Variants in NCAM1 observed in about 807,000 individuals in gnomAD.
The protein encoded by NCAM1 is neural cell adhesion molecule 1, also known as antigen recognized by monoclonal antibody 5.1H11.
In NCAM1, 14 loss-of-function variants were observed where a neutral mutation model predicts 109.8. The observed-to-expected ratio is 0.13, with a 90% CI of 0.08 to 0.20. The LOEUF is 0.20. Ranked by LOEUF, NCAM1 falls within the 10% of genes least tolerant of loss-of-function variation. NCAM1 has a pLI of 1.00. For synonymous variants in NCAM1, 418 were observed against 442.9 expected (o/e 0.94, Z 0.70); for missense variants, 774 against 1,109.9 (o/e 0.70, Z 4.30).
intron 9 of NCAM1, among the ~76,000 whole-genome samples, chr11:113,230,801 T>C (rs533517184): frequency 1.6e-4 from 25 of 152,358 alleles, no homozygotes; most frequent in African/African-American, 5.8e-4. Context: ...AGACTCTTCC[T>C]GGGCCAGCAA....
At chr11:113,165,486 TAA>T (rs1264906452) in intron 1 of NCAM1, among the ~76,000 whole-genome samples, 3 of 152,148 alleles carry the variant, frequency 2.0e-5, no homozygotes, top group African/African-American at 7.2e-5. Context: ...CTTCTCAGAC[TAA>T]GTCAGGGCCT....
intron 1 of NCAM1, among the ~76,000 whole-genome samples, chr11:113,099,630 A>G (rs1339101637): frequency 6.6e-6 from 1 of 152,226 alleles, no homozygotes; most frequent in Non-Finnish European, 1.5e-5. Flanking sequence ...GAGGAAGAGC[A>G]CTGGTTCCCC....
intron 1 of NCAM1, among the ~76,000 whole-genome samples, chr11:113,142,724 T>C (rs1373142487): frequency 1.3e-5 from 2 of 152,208 alleles, no homozygotes; most frequent in African/African-American, 4.8e-5. Context: ...TGCCATCTGC[T>C]GCTGTCTTGC....
At chr11:113,122,027 C>T (rs1287180775) in intron 1 of NCAM1, among the ~76,000 whole-genome samples, 2 of 152,110 alleles carry the variant, frequency 1.3e-5, no homozygotes, top group African/African-American at 2.4e-5. Flanking sequence ...AGAAAGCAAA[C>T]ACCATGGAGG....
chr11:112,999,393 G>A (rs560627742), intron 1 of NCAM1, among the ~76,000 whole-genome samples: 2 of 151,998 alleles, frequency 1.3e-5, no homozygotes, highest in South Asian at 2.1e-4. Flanking sequence ...GTTAAAAGAT[G>A]GTTCATGTTT....
intron 1 of NCAM1, among the ~76,000 whole-genome samples, chr11:113,005,894 GA>G (rs1477994932): frequency 6.6e-6 from 1 of 152,138 alleles, no homozygotes; most frequent in African/African-American, 2.4e-5. Context: ...TGGTTATTCT[GA>G]TTTTTTTTCC....
At chr11:112,965,245 G>GAA (rs142867225) in intron 1 of NCAM1, among the ~76,000 whole-genome samples, 18 of 149,564 alleles carry the variant, frequency 1.2e-4, no homozygotes, top group Admixed American at 4.0e-4. Flanking sequence ...TAATTGCAAA[G>GAA]AAAAAAAAAT....
chr11:113,240,197 A>G (rs1169631820), intron 14 of NCAM1, among the ~76,000 whole-genome samples: 1 of 152,200 alleles, frequency 6.6e-6, no homozygotes, highest in Non-Finnish European at 1.5e-5. Flanking sequence ...GGAAGGCAGC[A>G]GTGGTTGCAG....
chr11:113,262,269 T>G (rs1946027846), intron 17 of NCAM1, among the ~76,000 whole-genome samples: 1 of 152,240 alleles, frequency 6.6e-6, no homozygotes, highest in Non-Finnish European at 1.5e-5. Context: ...GCTTCATCTC[T>G]GACAAGGCCA....
rs1369707307 is a variant in NCAM1, at chr11:113,064,546, A to G, written c.52+102882A>G. Among the ~76,000 whole-genome samples, 7 of 152,100 alleles carry G rather than the reference A, an allele frequency of 4.6e-5. No individual in the cohort carries two copies. The East Asian group carries it at 1.3e-3, about 29-fold the overall frequency. Reference sequence around the variant, plus strand: ...TTATTATTTATTAAATGTTTATTGCATGTTAGATTCTGTTTTAAAAATTTA... The same window carrying G: ...TTATTATTTATTAAATGTTTATTGCGTGTTAGATTCTGTTTTAAAAATTTA... On this transcript the variant is annotated intron_variant, in intron 1 of 19. Transcript: ENST00000316851.
intron 1 of NCAM1, among the ~76,000 whole-genome samples, chr11:112,969,195 A>T (rs924567924): frequency 3.3e-5 from 5 of 152,102 alleles, no homozygotes; most frequent in African/African-American, 1.2e-4. Flanking sequence ...TTGAGATCTG[A>T]ATCTGGTTGT....
intron 1 of NCAM1, among the ~76,000 whole-genome samples, chr11:113,111,901 AT>A (rs1565443186): frequency 2.6e-5 from 4 of 152,212 alleles, no homozygotes; most frequent in African/African-American, 9.6e-5. Flanking sequence ...AAACGTATTC[AT>A]TATTCAAATT....
In NCAM1 at chr11:113,073,040, C is replaced by T. The variant is rs140744081; in HGVS notation, c.52+111376C>T. On this transcript the variant is annotated intron_variant, in intron 1 of 19. Coordinates refer to ENST00000316851, the MANE Select transcript of NCAM1 (RefSeq NM_181351.5). ...CCTCCTCCCAGACCCTGGCAACCGC[C>T]GTTCTACTTTCTGTCTCTAGGAACT... Among the ~76,000 whole-genome samples the T allele has an allele frequency of 7.8e-4, 119 of 152,212 alleles. 1 individual carries two copies. The East Asian group carries it at 0.02, about 25-fold the overall frequency.
chr11:113,143,183 A>G (rs1175489715), intron 1 of NCAM1, among the ~76,000 whole-genome samples: 1 of 152,088 alleles, frequency 6.6e-6, no homozygotes, highest in Non-Finnish European at 1.5e-5. Flanking sequence ...TGTATTATGT[A>G]TTTTTTTCCC....
chr11:113,178,901 G>T (rs1403492084), intron 1 of NCAM1, among the ~76,000 whole-genome samples: 1 of 152,200 alleles, frequency 6.6e-6, no homozygotes, highest in Non-Finnish European at 1.5e-5. Flanking sequence ...GCTAACACCA[G>T]GCTGGAAGAA....
At chr11:112,977,889 G>A (rs1205081952) in intron 1 of NCAM1, among the ~76,000 whole-genome samples, 1 of 151,818 alleles carries the variant, frequency 6.6e-6, no homozygotes, top group Non-Finnish European at 1.5e-5. Flanking sequence ...GTCCAATAGT[G>A]TGCCTGAGAA....
At chr11:113,035,090 C>A (rs1638979689) in intron 1 of NCAM1, among the ~76,000 whole-genome samples, 1 of 152,114 alleles carries the variant, frequency 6.6e-6, no homozygotes, top group African/African-American at 2.4e-5. Context: ...GAAAATGAAA[C>A]ACAGTAAAAA....
rs144309454 is a variant in NCAM1 at position 113,209,580 on chromosome 11, A to T, written c.916+1578A>T. 1.9e-3 allele frequency among the ~76,000 whole-genome samples: 291 copies of T among 152,312 alleles called. 1 individual carries two copies. Among genetic ancestry groups the T allele is most frequent in the African/African-American group, 6.7e-3 (280 of 41,574 alleles). On this transcript the variant is annotated intron_variant, in intron 7 of 19. Coordinates refer to ENST00000316851, the MANE Select transcript of NCAM1 (RefSeq NM_181351.5). Reference sequence around the variant, plus strand: ...CAGAGGGGCTACAGAGATGAATAGGATATGATCCCTTGACCCTGGGAAGCA... The same window carrying T: ...CAGAGGGGCTACAGAGATGAATAGGTTATGATCCCTTGACCCTGGGAAGCA...
intron 8 of NCAM1, among the ~76,000 whole-genome samples, chr11:113,219,103 C>G (rs1456616594): frequency 6.6e-6 from 1 of 152,086 alleles, no homozygotes; most frequent in East Asian, 1.9e-4. Context: ...CTGACAAAGG[C>G]CTATGAAGCC....
Sources: gnomAD v4.1 joint callset for allele counts (sites outside exome capture counted in the v4.1 genomes callset) on GRCh38, gnomAD v4.1.1 for gene constraint, MANE v1.5 for transcripts, NCBI Gene and HGNC (gene_info 2026-07-23, HGNC 2026-07-21) for gene names.